Variants in ACOXL observed in about 807,000 individuals in gnomAD.
The protein encoded by ACOXL is acyl-coenzyme A oxidase-like protein.
A neutral mutation model predicts 71.9 loss-of-function variants in ACOXL; 70 were observed. The observed-to-expected ratio is 0.97, with a 90% CI of 0.80 to 1.19. ACOXL has a LOEUF of 1.19. ACOXL is among the 50% of genes most tolerant of loss of function. ACOXL has a pLI of 0.00. For synonymous variants in ACOXL, 253 were observed against 281.6 expected (o/e 0.90, Z 1.02); for missense variants, 703 against 736.3 (o/e 0.95, Z 0.52).
intron 1 of ACOXL, among the ~76,000 whole-genome samples, chr2:110,737,280 C>A (rs774211523): frequency 1.3e-5 from 2 of 152,170 alleles, no homozygotes; most frequent in East Asian, 3.9e-4. Context: ...TTACTTCATT[C>A]TCATGTAATT....
intron 10 of ACOXL, among the ~76,000 whole-genome samples, chr2:110,871,690 C>G (rs1695299246): frequency 6.6e-6 from 1 of 152,152 alleles, no homozygotes; most frequent in Admixed American, 6.5e-5. Flanking sequence ...ATCTCTGCCT[C>G]CCCGGGAACC....
chr2:111,078,182 C>G (rs533923466), intron 16 of ACOXL, among the ~76,000 whole-genome samples: 1 of 152,140 alleles, frequency 6.6e-6, no homozygotes, highest in Non-Finnish European at 1.5e-5. Flanking sequence ...CTCCATAGTT[C>G]TGCTTTGGAG....
Position 111,030,908 on chromosome 2 carries a change from G to T in ACOXL, c.1282-719G>T, listed in dbSNP as rs556753886. Among the ~76,000 whole-genome samples, 313 of 152,150 alleles carry T rather than the reference G, an allele frequency of 2.1e-3. 2 individuals carry two copies. Among genetic ancestry groups the T allele is most frequent in the Non-Finnish European group, 1.5e-3 (103 of 68,008 alleles). On this transcript the variant is annotated intron_variant, in intron 14 of 17. Transcript: ENST00000439055. Reference sequence around the variant, plus strand: ...ATGGTAATTACTAGTTTTGTGATTCGGTATCTTTCTGTTCTCTGTGCCTTC... The same window carrying T: ...ATGGTAATTACTAGTTTTGTGATTCTGTATCTTTCTGTTCTCTGTGCCTTC...
chr2:111,013,439 C>T (rs2064261647), intron 14 of ACOXL, among the ~76,000 whole-genome samples: 1 of 146,372 alleles, frequency 6.8e-6, no homozygotes, highest in Non-Finnish European at 1.5e-5. Flanking sequence ...AGGAGAATCA[C>T]TTGAACCTGG....
chr2:110,814,779 C>T (rs1391170869), intron 9 of ACOXL, among the ~76,000 whole-genome samples: 1 of 152,256 alleles, frequency 6.6e-6, no homozygotes, highest in East Asian at 1.9e-4. Context: ...AACAATATTC[C>T]TAGCATCAAG....
intron 14 of ACOXL, among the ~76,000 whole-genome samples, chr2:111,013,522 C>CA (rs56905916): frequency 0.019 from 1,817 of 95,158 alleles, 31 homozygotes; most frequent in Non-Finnish European, 0.025. Flanking sequence ...GACCCTGTCT[C>CA]AAAAAAAAAA....
intron 10 of ACOXL, among the ~76,000 whole-genome samples, chr2:110,862,513 A>C (rs1694076036): frequency 1.3e-5 from 2 of 152,168 alleles, no homozygotes; most frequent in African/African-American, 4.8e-5. Flanking sequence ...AGAGAGCAAA[A>C]AGGGGGCCTC....
At chr2:110,754,040 G>T (rs1031569510) in intron 1 of ACOXL, among the ~76,000 whole-genome samples, 3 of 148,466 alleles carry the variant, frequency 2.0e-5, no homozygotes, top group African/African-American at 7.5e-5. Flanking sequence ...ACGTGTGTGT[G>T]TGTGTGTGTG....
At chr2:110,786,789 T>C (rs1467832955) in intron 3 of ACOXL, among the ~76,000 whole-genome samples, 1 of 152,216 alleles carries the variant, frequency 6.6e-6, no homozygotes, top group African/African-American at 2.4e-5. Context: ...TTAAGAAGCA[T>C]TTTAACCAAT....
chr2:110,905,573 A>C (rs2059409872), intron 10 of ACOXL, among the ~76,000 whole-genome samples: 1 of 152,178 alleles, frequency 6.6e-6, no homozygotes, highest in South Asian at 2.1e-4. Context: ...CATAATTAAC[A>C]AATTAGGATG....
intron 12 of ACOXL, among the ~76,000 whole-genome samples, chr2:110,937,932 G>C (rs2060726548): frequency 1.3e-5 from 2 of 152,204 alleles, no homozygotes. Context: ...TCAACACATA[G>C]ACTCAGGAAG....
intron 13 of ACOXL, among the ~76,000 whole-genome samples, chr2:110,987,719 TTTTG>T (rs1558831330): frequency 1.3e-5 from 2 of 152,230 alleles, no homozygotes; most frequent in East Asian, 3.8e-4. Context: ...TCCCTCAATA[TTTTG>T]TTTCTTAGAA....
At chr2:110,939,486 T>A (rs1300963070) in intron 12 of ACOXL, among the ~76,000 whole-genome samples, 1 of 152,226 alleles carries the variant, frequency 6.6e-6, no homozygotes, top group Admixed American at 6.5e-5. Context: ...AACCTTACTT[T>A]GAAGTAAAAT....
chr2:110,811,014 A>G (rs1011735947), intron 9 of ACOXL, among the ~76,000 whole-genome samples: 1 of 152,158 alleles, frequency 6.6e-6, no homozygotes, highest in Non-Finnish European at 1.5e-5. Flanking sequence ...TCACAAGAAC[A>G]AGATGGGGGA....
chr2:110,848,882 G>A (rs1318199498), intron 10 of ACOXL, among the ~76,000 whole-genome samples: 1 of 152,226 alleles, frequency 6.6e-6, no homozygotes, highest in East Asian at 1.9e-4. Flanking sequence ...GCTTCCCCGT[G>A]TAGACAGCAG....
chr2:110,915,866 T>C (rs1463134206), intron 11 of ACOXL, among the ~76,000 whole-genome samples: 1 of 152,260 alleles, frequency 6.6e-6, no homozygotes, highest in East Asian at 1.9e-4. Flanking sequence ...ATCAGTGTTA[T>C]ATTGTCCTCA....
At chr2:110,874,053 C>T (rs1461728988) in intron 10 of ACOXL, among the ~76,000 whole-genome samples, 1 of 152,176 alleles carries the variant, frequency 6.6e-6, no homozygotes, top group African/African-American at 2.4e-5. Flanking sequence ...AAACAGAAAA[C>T]CCACCCCAGA....
intron 16 of ACOXL, among the ~76,000 whole-genome samples, chr2:111,076,784 C>CA (rs1319244464): frequency 3.9e-5 from 6 of 152,144 alleles, no homozygotes; most frequent in Non-Finnish European, 8.8e-5. Context: ...ATCACTGATC[C>CA]AAAATCAAGG....
At chr2:110,967,582 T>A (rs1012633165) in intron 12 of ACOXL, among the ~76,000 whole-genome samples, 2 of 152,230 alleles carry the variant, frequency 1.3e-5, no homozygotes, top group African/African-American at 4.8e-5. Flanking sequence ...ATGAGATATA[T>A]TACAAATTTT....
Sources: gnomAD v4.1 joint callset for allele counts (sites outside exome capture counted in the v4.1 genomes callset) on GRCh38, gnomAD v4.1.1 for gene constraint, MANE v1.5 for transcripts, NCBI Gene and HGNC (gene_info 2026-07-23, HGNC 2026-07-21) for gene names.